Variants in CLCC1 observed in about 807,000 individuals in gnomAD.
The protein encoded by CLCC1 is chloride channel CLIC like 1.
A neutral mutation model predicts 63.3 loss-of-function variants in CLCC1; 39 were observed. The ratio of observed to expected loss-of-function variants is 0.62; its 90% CI spans 0.48 to 0.81. CLCC1 has a LOEUF of 0.81. Among genes scored for constraint, CLCC1 ranks in the 30% least tolerant of loss-of-function variants. CLCC1 has a pLI of 0.00. For missense variants in CLCC1, 549 were observed against 669.4 expected (o/e 0.82, Z 1.98); for synonymous variants, 217 against 239.8 (o/e 0.90, Z 0.88).
chr1:108,931,092 A>G lies in CLCC1; in HGVS notation c.*1455T>C. 3.1e-6 allele frequency: 1 copy of G among 323,256 alleles called. No individual in the cohort carries two copies. Among genetic ancestry groups the G allele is most frequent in the Non-Finnish European group, 5.6e-6 (1 of 177,368 alleles). 20.0% of individuals were successfully genotyped at this position (323,256 alleles called of 1,614,324 possible). On this transcript the variant is annotated 3_prime_UTR_variant, in exon 13 of 13. Transcript: ENST00000369969. Reference sequence around the variant, plus strand: ...TTTTGTGTGTTTTGGGCTGTTTAAAAAAATTATTTAAAATGGTCTCTTCTG... The same window carrying G: ...TTTTGTGTGTTTTGGGCTGTTTAAAGAAATTATTTAAAATGGTCTCTTCTG...
chr1:108,942,049 G>A (rs1312026314), intron 7 of CLCC1, among the ~76,000 whole-genome samples: 1 of 152,094 alleles, frequency 6.6e-6, no homozygotes, highest in Non-Finnish European at 1.5e-5. Context: ...TAATTATAAT[G>A]AAAAAGGGAA....
intron 6 of CLCC1, 30 bp downstream of exon 6, chr1:108,943,806 G>T: frequency 6.5e-7 from 1 of 1,532,038 alleles, no homozygotes; most frequent in Non-Finnish European, 9.0e-7. Context: ...GAAACTTAAT[G>T]ACGTTGCCCT....
At chr1:108,941,646 A>G (rs1653859133) in intron 7 of CLCC1, 148 bp from the exon 8 acceptor site, 1 of 463,544 alleles carries the variant, frequency 2.2e-6, no homozygotes, top group Non-Finnish European at 3.7e-6. Context: ...ACATATTATT[A>G]TTACTATTTT....
In CLCC1 at chr1:108,929,534, A is replaced by T. The variant is rs1651521476; in HGVS notation, c.*3013T>A. 3.0e-6 allele frequency: 2 copies of T among 664,034 alleles called. No homozygotes were observed. The highest frequency in any genetic ancestry group is 5.2e-6 in the Non-Finnish European group (2 of 383,022). 41.1% of individuals were successfully genotyped at this position (664,034 alleles called of 1,614,324 possible). A position where few individuals can be genotyped will look rare whatever the true frequency, so the allele number is the denominator to read the frequency against. Reference sequence around the variant, plus strand: ...AGGTTTAAAGATTATTTCTTTCAGAAATCAGGCTGGGAACTAAAGAGAACA... The same window carrying T: ...AGGTTTAAAGATTATTTCTTTCAGATATCAGGCTGGGAACTAAAGAGAACA... On this transcript the variant is annotated 3_prime_UTR_variant, in exon 13 of 13. Coordinates refer to ENST00000369969, the MANE Select transcript of CLCC1 (RefSeq NM_001377458.1).
chr1:108,960,384 T>C (rs1656466994), intron 2 of CLCC1, among the ~76,000 whole-genome samples: 1 of 152,188 alleles, frequency 6.6e-6, no homozygotes, highest in Non-Finnish European at 1.5e-5. Context: ...TCAAGCGTAT[T>C]CAATACTTCA....
intron 12 of CLCC1, 24 bp downstream of exon 12, chr1:108,934,601 A>C: frequency 6.6e-7 from 1 of 1,516,058 alleles, no homozygotes; most frequent in Non-Finnish European, 8.9e-7. Context: ...AGAGAAGAGA[A>C]AGAGAGTGAA....
chr1:108,963,265 C>G, intron 1 of CLCC1, 96 bp downstream of exon 1: 1 of 646,722 alleles, frequency 1.5e-6, no homozygotes, highest in South Asian at 1.6e-5. Flanking sequence ...GCGGCCTCCC[C>G]AGCGTCTGCG....
Position 108,934,791 on chromosome 1 carries a change from G to A in CLCC1, c.1535C>T (p.Ala512Val), listed in dbSNP as rs760196687. The change falls in exon 12 of 13, where the codon GCG becomes GTG. Residue 512 changes from alanine (A) to valine (V), a missense_variant. Coordinates refer to ENST00000369969, the MANE Select transcript of CLCC1 (RefSeq NM_001377458.1). Reference sequence around the variant, plus strand: ...TTCAGACTTGAGCTGGGCCTTTTCCGCTGCGGGTGAACCTTCTGTATTCCC... The same window carrying A: ...TTCAGACTTGAGCTGGGCCTTTTCCACTGCGGGTGAACCTTCTGTATTCCC... Reference protein sequence around the residue: ...TSGNTEGSPAAEKAQLKSEAA... With the variant: ...TSGNTEGSPAVEKAQLKSEAA... 1.5e-5 allele frequency: 25 copies of A among 1,614,032 alleles called. No homozygotes were observed. The highest frequency in any genetic ancestry group is 3.3e-5 in the Admixed American group (2 of 59,996).
In CLCC1 at chr1:108,944,072, C is replaced by A; in HGVS notation, c.340-15G>T. 1.3e-6 allele frequency: 2 copies of A among 1,537,186 alleles called. No homozygotes were observed. Among genetic ancestry groups the A allele is most frequent in the South Asian group, 1.2e-5 (1 of 82,068 alleles). On this transcript the variant is annotated splice_polypyrimidine_tract_variant and intron_variant, in intron 5 of 12. Coordinates refer to ENST00000369969, the MANE Select transcript of CLCC1 (RefSeq NM_001377458.1). ...TTTTCATCAGGCTAAATTAAATTTA[C>A]CAAAAAACAAACAATAGAAAGAGAA...
intron 2 of CLCC1, among the ~76,000 whole-genome samples, chr1:108,953,894 C>T (rs1655515369): frequency 6.6e-6 from 1 of 150,566 alleles, no homozygotes; most frequent in Non-Finnish European, 1.5e-5. Flanking sequence ...CCTGTAATCC[C>T]AGCTACTCGG....
intron 2 of CLCC1, 113 bp from the exon 3 acceptor site, chr1:108,950,561 G>A: frequency 1.9e-6 from 1 of 531,980 alleles, no homozygotes; most frequent in Non-Finnish European, 2.7e-6. Flanking sequence ...TTGCTCTATT[G>A]CCCAGGCTGG....
At chr1:108,963,265 C>A in intron 1 of CLCC1, 96 bp downstream of exon 1, 2 of 646,722 alleles carry the variant, frequency 3.1e-6, no homozygotes, top group Non-Finnish European at 5.7e-6. Flanking sequence ...GCGGCCTCCC[C>A]AGCGTCTGCG....
At position 108,929,670 on chromosome 1, in the gene CLCC1, A is replaced by ATGTC; in HGVS notation, c.*2873_*2876dup. 6.2e-7 allele frequency: 1 copy of ATGTC among 1,606,582 alleles called. No homozygotes were observed. Among genetic ancestry groups the ATGTC allele is most frequent in the South Asian group, 1.1e-5 (1 of 90,930 alleles). On this transcript the variant is annotated 3_prime_UTR_variant, in exon 13 of 13. Coordinates refer to ENST00000369969, the MANE Select transcript of CLCC1 (RefSeq NM_001377458.1). Reference sequence around the variant, plus strand: ...AGCTTGGTGCTTTCTTTCCCACAGTATGTCTTTTAATCTCTCTCATAAACT... The same window carrying ATGTC: ...AGCTTGGTGCTTTCTTTCCCACAGTATGTCTGTCTTTTAATCTCTCTCATAAACT...
At chr1:108,963,300 G>C in intron 1 of CLCC1, 61 bp downstream of exon 1, 1 of 685,310 alleles carries the variant, frequency 1.5e-6, no homozygotes. Context: ...GACCCGCCAG[G>C]GCGTAACGGC....
Position 108,934,730 on chromosome 1 carries a change from G to A in CLCC1, c.1596C>T (p.Ser532=), listed in dbSNP as rs1185224785. 5.0e-6 allele frequency: 8 copies of A among 1,614,192 alleles called. No homozygotes were observed. The highest frequency in any genetic ancestry group is 1.3e-5 in the African/African-American group (1 of 75,056). The change falls in exon 12 of 13, where the codon AGC becomes AGT. Residue 532 remains serine, a synonymous_variant. Transcript: ENST00000369969. The stretch of plus-strand genomic sequence containing the variant: ...GTGGTCCAGCCACACCTCTTGCGGG[G>A]CTGTATGTGCTGCCTTGGTCTGGGC... ...AGSPDQGSTY[S]PARGVAGPRG...
chr1:108,949,949 T>C (rs1654986076), intron 3 of CLCC1, 28 bp from the exon 4 acceptor site: 1 of 1,357,334 alleles, frequency 7.4e-7, no homozygotes. Flanking sequence ...AACATTTTAT[T>C]TCTTTATAGT....
In CLCC1 at chr1:108,931,955, C is replaced by G. The variant is rs182418857; in HGVS notation, c.*592G>C. ...AACATTGTTTTTAACAGCTGTCTAC[C>G]CTGTTCTGATTTTCCTAAAAGCTTC... On this transcript the variant is annotated 3_prime_UTR_variant, in exon 13 of 13. Transcript: ENST00000369969. 2 of 154,090 alleles carry G rather than the reference C, an allele frequency of 1.3e-5. No homozygotes were observed. Among genetic ancestry groups the G allele is most frequent in the East Asian group, 3.8e-4 (2 of 5,214 alleles). The allele number at this position is 154,090 out of a possible 1,614,324, so 9.5% of individuals were successfully genotyped here.
intron 12 of CLCC1, chr1:108,933,007 A>C (rs1002254995): frequency 6.6e-6 from 1 of 152,236 alleles, no homozygotes; most frequent in East Asian, 1.9e-4. Context: ...CAGCCCTCCA[A>C]GTAGCTGGGA....
intron 1 of CLCC1, among the ~76,000 whole-genome samples, chr1:108,963,033 G>C (rs1159844902): frequency 6.6e-6 from 1 of 152,228 alleles, no homozygotes; most frequent in African/African-American, 2.4e-5. Context: ...AAAGTTTTCA[G>C]AGATAACCAA....
Sources: allele counts gnomAD v4.1 joint callset (sites outside exome capture counted in the v4.1 genomes callset), GRCh38; gene constraint gnomAD v4.1.1; transcripts MANE v1.5; gene names NCBI Gene and HGNC (gene_info 2026-07-23, HGNC 2026-07-21).